COL4A2: variants seen among roughly 807,000 people sequenced by gnomAD.
COL4A2 encodes collagen type IV alpha 2 chain.
COL4A2 carries 99 observed loss-of-function variants against 200.2 expected under a neutral mutation model. The ratio of observed to expected loss-of-function variants is 0.49; its 90% confidence interval spans 0.42 to 0.58. COL4A2 has a LOEUF of 0.58. Among genes scored for constraint, COL4A2 ranks in the 20% least tolerant of loss-of-function variants. COL4A2 has a pLI of 0.00. For missense variants in COL4A2, 1,950 were observed against 2,314.1 expected, an observed-to-expected ratio of 0.84 and a Z score of 3.23; for synonymous variants, 897 against 900.6, an observed-to-expected ratio of 1.00 and a Z score of 0.07.
intron 29 of COL4A2, among the ~76,000 whole-genome samples, chr13:110,475,071 CACAT>C (rs1017333821): frequency 6.6e-5 from 10 of 152,142 alleles, no homozygotes; most frequent in African/African-American, 1.4e-4. Flanking sequence ...ATCACACACT[CACAT>C]ACACACACGT....
intron 39 of COL4A2, among the ~76,000 whole-genome samples, chr13:110,493,790 G>A (rs1883363948): frequency 6.7e-6 from 1 of 149,186 alleles, no homozygotes; most frequent in South Asian, 2.2e-4. Flanking sequence ...TCTGGAGGCT[G>A]GGATCAGCAT....
Position 110,385,422 on chromosome 13 carries a change from GTGGTTACAGTGCCTGGATAGA to G in COL4A2, c.180+27871_180+27891del, listed in dbSNP as rs1376571104. On this transcript the variant is annotated intron_variant, in intron 4 of 47. Transcript: ENST00000360467. ...GGAGGTTACAGTGTGTGGATAGACT[GTGGTTACAGTGCCTGGATAGA>G]CCGTGGCTGCAGTGTGTGGATAGGC... Among the ~76,000 whole-genome samples, 824 of 99,720 alleles carry G rather than the reference GTGGTTACAGTGCCTGGATAGA, an allele frequency of 8.3e-3. 23 individuals carry two copies. Among genetic ancestry groups the G allele is most frequent in the African/African-American group, 0.026 (746 of 28,296 alleles). 65.4% of individuals were successfully genotyped at this position (99,720 alleles called of 152,430 possible).
At chr13:110,351,469 C>T (rs1365531976) in intron 3 of COL4A2, among the ~76,000 whole-genome samples, 1 of 152,188 alleles carries the variant, frequency 6.6e-6, no homozygotes, top group Non-Finnish European at 1.5e-5. Flanking sequence ...CAAGAATGAC[C>T]GGTCCTTCAT....
intron 21 of COL4A2, chr13:110,457,720 C>T (rs1298210206): frequency 1.7e-6 from 1 of 584,464 alleles, no homozygotes; most frequent in East Asian, 4.1e-5. Flanking sequence ...GAGTCCTGTG[C>T]TGGGTTAAAA....
intron 16 of COL4A2, among the ~76,000 whole-genome samples, chr13:110,441,874 G>T: frequency 6.6e-6 from 1 of 151,156 alleles, no homozygotes; most frequent in African/African-American, 2.4e-5. Flanking sequence ...GAGGTCAGGA[G>T]TTCAAGACCA....
intron 3 of COL4A2, among the ~76,000 whole-genome samples, chr13:110,355,273 C>G (rs1046139859): frequency 2.1e-5 from 3 of 141,592 alleles, no homozygotes; most frequent in Admixed American, 1.3e-4. Context: ...ACCTGTGAGC[C>G]ACTGCTCACC....
At position 110,466,141 on chromosome 13, in the gene COL4A2, G is replaced by T. The variant is rs555276606; in HGVS notation, c.2038+79G>T. 154 of 1,505,798 alleles carry T rather than the reference G, an allele frequency of 1.0e-4. No homozygotes were observed. In the East Asian group the frequency reaches 3.1e-3, roughly 30 times the overall value. The allele number at this position is 1,505,798 out of a possible 1,614,324, so 93.3% of individuals were successfully genotyped here. A position where few individuals can be genotyped will look rare whatever the true frequency, so the allele number is the denominator to read the frequency against. ...TGCTGGTTAAGCTCTTGCAGTATGC[G>T]TGGGATAAGAAATATTAATAATATG... On this transcript the variant is annotated intron_variant, in intron 26 of 47. Coordinates refer to ENST00000360467, the MANE Select transcript of COL4A2 (RefSeq NM_001846.4).
chr13:110,472,146 C>T (rs1293838982), intron 28 of COL4A2, among the ~76,000 whole-genome samples: 2 of 71,798 alleles, frequency 2.8e-5, no homozygotes, highest in African/African-American at 7.2e-5. Context: ...GATGGAATCT[C>T]ACTCTGTCGC....
chr13:110,502,839 T>A, intron 41 of COL4A2: 1 of 365,074 alleles, frequency 2.7e-6, no homozygotes, highest in South Asian at 3.2e-5. Flanking sequence ...AGTGCGTGTA[T>A]AACGGGGACA....
At chr13:110,354,347 T>C (rs1877097255) in intron 3 of COL4A2, among the ~76,000 whole-genome samples, 1 of 152,218 alleles carries the variant, frequency 6.6e-6, no homozygotes, top group South Asian at 2.1e-4. Context: ...GGTGCTAAAC[T>C]TTCTGGCTTA....
At chr13:110,444,275 G>A (rs1267733130) in intron 16 of COL4A2, among the ~76,000 whole-genome samples, 1 of 152,200 alleles carries the variant, frequency 6.6e-6, no homozygotes, top group Non-Finnish European at 1.5e-5. Flanking sequence ...CCACAGCATA[G>A]GTGTGTGATG....
intron 4 of COL4A2, among the ~76,000 whole-genome samples, chr13:110,377,018 T>C (rs926379171): frequency 5.3e-5 from 8 of 152,182 alleles, no homozygotes; most frequent in African/African-American, 1.9e-4. Flanking sequence ...GTGTGGTTCA[T>C]CTTATTAAGG....
chr13:110,439,754 C>A (rs751612623), intron 15 of COL4A2, 35 bp from the exon 16 acceptor site: 2 of 1,613,704 alleles, frequency 1.2e-6, no homozygotes, highest in South Asian at 2.2e-5. Context: ...ACTGCATATT[C>A]TGAGCTGTTT....
chr13:110,494,545 AT>A (rs1883390717), intron 39 of COL4A2, among the ~76,000 whole-genome samples: 1 of 150,176 alleles, frequency 6.7e-6, no homozygotes. Context: ...TATACAAATT[AT>A]TTATGTTCAG....
chr13:110,458,887 A>G lies in COL4A2; in HGVS notation c.1549A>G (p.Arg517Gly), dbSNP rs1881896980. 2.5e-6 allele frequency: 4 copies of G among 1,607,752 alleles called. No individual in the cohort carries two copies. Among genetic ancestry groups the G allele is most frequent in the South Asian group, 2.2e-5 (2 of 90,316 alleles). The change falls in exon 22 of 48, where the codon AGA becomes GGA. Residue 517 changes from arginine to glycine, a missense_variant. Physicochemically the swap from Arg to Gly is moderately radical, Grantham distance 125. Coordinates refer to ENST00000360467, the MANE Select transcript of COL4A2 (RefSeq NM_001846.4). ...CGGGGAGCCGGGGAGGAAAGGGGACAGAGGAGACCCCGGCCAACACGGCCT... is the reference window on the plus strand; with the variant it reads ...CGGGGAGCCGGGGAGGAAAGGGGACGGAGGAGACCCCGGCCAACACGGCCT... Reference protein sequence around the residue: ...INGEPGRKGDRGDPGQHGLPG... With the variant: ...INGEPGRKGDGGDPGQHGLPG...
intron 3 of COL4A2, 78 bp from the exon 4 acceptor site, chr13:110,357,394 A>T: frequency 6.5e-7 from 1 of 1,534,622 alleles, no homozygotes; most frequent in Non-Finnish European, 8.8e-7. Context: ...AAGGATTCTC[A>T]ACAGATGATA....
chr13:110,436,743 CT>C (rs1430846055), intron 13 of COL4A2, among the ~76,000 whole-genome samples: 1 of 152,204 alleles, frequency 6.6e-6, no homozygotes, highest in Non-Finnish European at 1.5e-5. Context: ...ATAAAACCTA[CT>C]TCTTTGCTGA....
intron 3 of COL4A2, among the ~76,000 whole-genome samples, chr13:110,316,326 G>A (rs930686644): frequency 2.0e-5 from 3 of 152,320 alleles, no homozygotes; most frequent in African/African-American, 4.8e-5. Context: ...TCAGACACAC[G>A]TGCCCTGGAC....
chr13:110,394,115 T>C (rs572533640), intron 4 of COL4A2, among the ~76,000 whole-genome samples: 1 of 152,214 alleles, frequency 6.6e-6, no homozygotes, highest in East Asian at 1.9e-4. Context: ...TTGTAAAAAA[T>C]TTTTCTCACA....
Sources: gnomAD v4.1 joint callset for allele counts (sites outside exome capture counted in the v4.1 genomes callset) on GRCh38, gnomAD v4.1.1 for gene constraint, MANE v1.5 for transcripts, NCBI Gene and HGNC (gene_info 2026-07-23, HGNC 2026-07-21) for gene names.